The following DPY19L2 variants were observed in gnomAD, a reference collection of about 807,000 sequenced individuals.
DPY19L2 encodes the protein dpy-19 like 2.
DPY19L2 carries 34 observed loss-of-function variants against 97.9 expected under a neutral mutation model. That is an observed-to-expected ratio of 0.35 (90% CI 0.26 to 0.46). The LOEUF is 0.46. Ranked by LOEUF, DPY19L2 falls within the 20% of genes least tolerant of loss-of-function variation. The pLI is 1.00. For synonymous variants in DPY19L2, 230 were observed against 307.9 expected (o/e 0.75, Z 2.65); for missense variants, 623 against 911.4 (o/e 0.68, Z 4.07).
At chr12:63,664,281 A>G (rs1319708346) in intron 2 of DPY19L2, among the ~76,000 whole-genome samples, 4 of 152,118 alleles carry the variant, frequency 2.6e-5, no homozygotes, top group East Asian at 1.9e-4. Context: ...AGGTTGCAGT[A>G]AGCAGAGATC....
At chr12:63,605,307 A>C (rs1446513824) in intron 12 of DPY19L2, among the ~76,000 whole-genome samples, 1 of 152,112 alleles carries the variant, frequency 6.6e-6, no homozygotes, top group African/African-American at 2.4e-5. Context: ...TGCTACCTGC[A>C]TGGGCAGGCT....
intron 6 of DPY19L2, among the ~76,000 whole-genome samples, chr12:63,629,330 C>A (rs1308020567): frequency 6.6e-6 from 1 of 152,006 alleles, no homozygotes; most frequent in Admixed American, 6.6e-5. Context: ...AAAAATTAGA[C>A]GAATGGCTAA....
chr12:63,587,606 C>T (rs1254733136), intron 16 of DPY19L2, among the ~76,000 whole-genome samples: 1 of 113,498 alleles, frequency 8.8e-6, no homozygotes, highest in African/African-American at 3.6e-5. Context: ...GACAGAGCCT[C>T]GCACTGTTGC....
At position 63,560,562 on chromosome 12, in the gene DPY19L2, A is replaced by T. The variant is rs1381935031; in HGVS notation, c.2227T>A (p.Phe743Ile). Reference sequence around the variant, plus strand: ...ACACTATTCTGAAATACTGTGGTGAAGTAAGGCCTGGCGTCTTCGAGCAGG... The same window carrying T: ...ACACTATTCTGAAATACTGTGGTGATGTAAGGCCTGGCGTCTTCGAGCAGG... ...SVLLEDARPY[F>I]TTVFQNSVYR... The change falls in exon 22 of 22, where the codon TTC becomes ATC. Residue 743 changes from phenylalanine to isoleucine, a missense_variant. Transcript: ENST00000324472. 5 of 1,613,972 alleles carry T rather than the reference A, an allele frequency of 3.1e-6. No individual in the cohort carries two copies. The highest frequency in any genetic ancestry group is 4.2e-6 in the Non-Finnish European group (5 of 1,179,966).
chr12:63,607,223 T>A (rs1009776583), intron 12 of DPY19L2, among the ~76,000 whole-genome samples: 21 of 151,956 alleles, frequency 1.4e-4, no homozygotes, highest in African/African-American at 5.1e-4. Context: ...CTTGGCAGAA[T>A]TTTTTTTGAT....
At chr12:63,633,163 T>C (rs1448206691) in intron 6 of DPY19L2, among the ~76,000 whole-genome samples, 1 of 152,114 alleles carries the variant, frequency 6.6e-6, no homozygotes, top group African/African-American at 2.4e-5. Flanking sequence ...GGGCAAGGAC[T>C]TCATGACTAA....
At chr12:63,633,091 A>G (rs1049797431) in intron 6 of DPY19L2, among the ~76,000 whole-genome samples, 1 of 152,208 alleles carries the variant, frequency 6.6e-6, no homozygotes, top group East Asian at 1.9e-4. Flanking sequence ...CTTAAACGTT[A>G]GACCTAAAAC....
intron 4 of DPY19L2, among the ~76,000 whole-genome samples, chr12:63,649,886 C>G (rs1181172882): frequency 6.6e-6 from 1 of 152,130 alleles, no homozygotes; most frequent in Non-Finnish European, 1.5e-5. Context: ...AAACTTCAGG[C>G]CAATATCTCT....
intron 8 of DPY19L2, among the ~76,000 whole-genome samples, chr12:63,622,898 T>C (rs1221772212): frequency 2.0e-5 from 3 of 152,152 alleles, no homozygotes; most frequent in African/African-American, 7.2e-5. Context: ...CACTCCAGCC[T>C]GGGTGACAGA....
At chr12:63,561,897 C>T (rs1274239393) in intron 21 of DPY19L2, among the ~76,000 whole-genome samples, 1 of 152,142 alleles carries the variant, frequency 6.6e-6, no homozygotes, top group Non-Finnish European at 1.5e-5. Flanking sequence ...GCGCCATTTT[C>T]CATTTCCACC....
At position 63,636,184 on chromosome 12, in the gene DPY19L2, A is replaced by G. The variant is rs1404852759; in HGVS notation, c.803+8219T>C. ...TTCATATCCAGCCAAACTAAGCTTC[A>G]TAAGTGAAGGAGAAATAAAATCCTT... On this transcript the variant is annotated intron_variant, in intron 6 of 21. Coordinates refer to ENST00000324472, the MANE Select transcript of DPY19L2 (RefSeq NM_173812.5). Among the ~76,000 whole-genome samples the G allele has an allele frequency of 7.9e-5, 12 of 152,310 alleles. No homozygotes were observed. In the South Asian group the frequency reaches 2.1e-3, roughly 26 times the overall value.
intron 11 of DPY19L2, among the ~76,000 whole-genome samples, chr12:63,613,220 G>T (rs1887297431): frequency 6.6e-6 from 1 of 152,058 alleles, no homozygotes; most frequent in African/African-American, 2.4e-5. Context: ...ACCAATTATT[G>T]TCATGAACTT....
At chr12:63,603,033 G>A (rs1885433481) in intron 12 of DPY19L2, among the ~76,000 whole-genome samples, 1 of 152,072 alleles carries the variant, frequency 6.6e-6, no homozygotes, top group South Asian at 2.1e-4. Flanking sequence ...AACAGATTCA[G>A]AAAGGTGAAA....
intron 4 of DPY19L2, among the ~76,000 whole-genome samples, chr12:63,660,273 T>C (rs1207979602): frequency 2.0e-5 from 3 of 151,936 alleles, no homozygotes; most frequent in Non-Finnish European, 4.4e-5. Flanking sequence ...TTGGAAATAA[T>C]ATATTAAGAT....
In DPY19L2 at chr12:63,596,039, T is replaced by A; in HGVS notation, c.1462-2A>T. The A allele has an allele frequency of 6.3e-7, 1 of 1,597,180 alleles. No homozygotes were observed. The highest frequency in any genetic ancestry group is 2.3e-5 in the East Asian group (1 of 44,132). ...TGTCTTTGTGTATCTCAGCGGAGTCTGAAATATACCAAATTATTCAAAATG... is the reference window on the plus strand; with the variant it reads ...TGTCTTTGTGTATCTCAGCGGAGTCAGAAATATACCAAATTATTCAAAATG... On this transcript the variant is annotated splice_acceptor_variant, in intron 14 of 21. Coordinates refer to ENST00000324472, the MANE Select transcript of DPY19L2 (RefSeq NM_173812.5). LOFTEE classifies it high-confidence loss of function.
intron 6 of DPY19L2, among the ~76,000 whole-genome samples, chr12:63,630,357 A>C (rs1334940815): frequency 6.6e-6 from 1 of 152,144 alleles, no homozygotes; most frequent in Non-Finnish European, 1.5e-5. Context: ...GCTCAAAATA[A>C]AGGGACAGAG....
At chr12:63,646,854 T>C (rs1413735780) in intron 5 of DPY19L2, among the ~76,000 whole-genome samples, 4 of 152,156 alleles carry the variant, frequency 2.6e-5, no homozygotes, top group Admixed American at 1.3e-4. Context: ...ATATCCAATT[T>C]TTAAATATGT....
chr12:63,569,438 A>G (rs191051478), intron 20 of DPY19L2, 89 bp from the exon 21 acceptor site: 28 of 1,020,924 alleles, frequency 2.7e-5, no homozygotes, highest in African/African-American at 2.3e-4. Flanking sequence ...TGAAATCTCA[A>G]TACTCACTGG....
intron 6 of DPY19L2, among the ~76,000 whole-genome samples, chr12:63,631,862 T>C (rs537696895): frequency 0.015 from 2,239 of 152,112 alleles, 25 homozygotes; most frequent in Non-Finnish European, 0.021. Flanking sequence ...AAAGCTTATC[T>C]ACCATGATCA....
Sources: gnomAD v4.1 joint callset for allele counts (sites outside exome capture counted in the v4.1 genomes callset) on GRCh38, gnomAD v4.1.1 for gene constraint, MANE v1.5 for transcripts, NCBI Gene and HGNC (gene_info 2026-07-23, HGNC 2026-07-21) for gene names.